The following CACNA1I variants were observed in gnomAD, a reference collection of about 807,000 sequenced individuals.
CACNA1I encodes the protein voltage-dependent T-type calcium channel subunit alpha-1I.
Under a neutral mutation model 201.6 loss-of-function variants are expected in CACNA1I, and 74 were observed. The ratio of observed to expected loss-of-function variants is 0.37; its 90% CI spans 0.30 to 0.45. CACNA1I has a LOEUF of 0.45. Ranked by LOEUF, CACNA1I falls within the 20% of genes least tolerant of loss-of-function variation. CACNA1I has a pLI of 1.00. For missense variants in CACNA1I, 2,346 were observed against 3,138.1 expected, an observed-to-expected ratio of 0.75 and a Z score of 6.03; for synonymous variants, 1,431 against 1,345.2, an observed-to-expected ratio of 1.06 and a Z score of -1.40.
intron 4 of CACNA1I, among the ~76,000 whole-genome samples, chr22:39,624,167 G>GGT (rs370693569): frequency 4.6e-5 from 7 of 151,756 alleles, no homozygotes; most frequent in East Asian, 1.9e-4. Context: ...TGCCTGTGAG[G>GGT]GTGTGTGTGT....
intron 29 of CACNA1I, 80 bp downstream of exon 29, chr22:39,674,113 C>T: frequency 6.7e-6 from 9 of 1,338,208 alleles, no homozygotes; most frequent in South Asian, 2.4e-5. Flanking sequence ...GCCCTGATTT[C>T]CCTTCTCCTC....
chr22:39,686,038 C>T lies in CACNA1I; in HGVS notation c.6305C>T (p.Ser2102Phe). ...AGCCCGGGCTGCACCCACCACGACT[C>T]CATGGACCCCTCGGACGAGGAGGGC... ...STSPGCTHHD[S>F]MDPSDEEGRG... The change falls in exon 37 of 37, where the codon TCC becomes TTC. Residue 2102 changes from serine to phenylalanine, a missense_variant. Physicochemically the swap from Ser to Phe is radical, Grantham distance 155. Transcript: ENST00000402142. The T allele has an allele frequency of 8.1e-7, 1 of 1,237,390 alleles. No individual in the cohort carries two copies. The highest frequency in any genetic ancestry group is 1.0e-6 in the Non-Finnish European group (1 of 994,480). 76.7% of individuals were successfully genotyped at this position (1,237,390 alleles called of 1,614,324 possible).
intron 34 of CACNA1I, 71 bp downstream of exon 34, chr22:39,681,123 G>A: frequency 5.9e-6 from 9 of 1,512,754 alleles, no homozygotes; most frequent in Non-Finnish European, 8.0e-6. Flanking sequence ...ACCCAGGCAG[G>A]ACCCCCCTGT....
intron 4 of CACNA1I, among the ~76,000 whole-genome samples, chr22:39,621,851 G>T (rs1933753741): frequency 6.6e-6 from 1 of 152,052 alleles, no homozygotes; most frequent in African/African-American, 2.4e-5. Flanking sequence ...ACAGGGAGGG[G>T]ACATGCGGAG....
At chr22:39,593,631 G>C (rs1932847746) in intron 1 of CACNA1I, among the ~76,000 whole-genome samples, 1 of 152,188 alleles carries the variant, frequency 6.6e-6, no homozygotes, top group Non-Finnish European at 1.5e-5. Context: ...TGCGTACCAG[G>C]CTTGGGAGGG....
chr22:39,662,241 G>C lies in CACNA1I; in HGVS notation c.3178G>C (p.Asp1060His). The change falls in exon 17 of 37, where the codon GAC becomes CAC. Residue 1060 changes from aspartate (D) to histidine (H), a missense_variant. By Grantham distance (81) the Asp-to-His change is moderately conservative (BLOSUM62 -1). This residue lies in a region of CACNA1I where 288 missense variants were observed against 255.2 expected (regional missense o/e 1.13). Coordinates refer to ENST00000402142, the MANE Select transcript of CACNA1I (RefSeq NM_021096.4). ...HRHHRRTLSL[D>H]NRDSVDLAEL... ...CCACCACCGCCGGACGCTGTCCCTC[G>C]ACAACAGGGACTCGGTGGACCTGGC... 1 of 1,528,324 alleles carries C rather than the reference G, an allele frequency of 6.5e-7. No individual in the cohort carries two copies. Among genetic ancestry groups the C allele is most frequent in the Non-Finnish European group, 8.8e-7 (1 of 1,142,166 alleles). The allele number at this position is 1,528,324 out of a possible 1,614,324, so 94.7% of individuals were successfully genotyped here. A position where few individuals can be genotyped will look rare whatever the true frequency, so the allele number is the denominator to read the frequency against.
At chr22:39,647,731 C>T in intron 8 of CACNA1I, 91 bp from the exon 9 acceptor site, 1 of 923,616 alleles carries the variant, frequency 1.1e-6, no homozygotes. Flanking sequence ...TGCTTTTAGG[C>T]TTGGAAGGGG....
Position 39,661,002 on chromosome 22 carries a change from T to A in CACNA1I, c.2699-106T>A. The A allele has an allele frequency of 3.3e-6, 3 of 916,992 alleles. No homozygotes were observed. In the South Asian group the frequency reaches 4.3e-5, roughly 13 times the overall value. 56.8% of individuals were successfully genotyped at this position (916,992 alleles called of 1,614,324 possible). ...GTAGAGGAAGCCTCCTTAGAAAAGC[T>A]CTCCATTTCTGCTCCTTCCTTGTTT... On this transcript the variant is annotated intron_variant, in intron 15 of 36. Coordinates refer to ENST00000402142, the MANE Select transcript of CACNA1I (RefSeq NM_021096.4).
At chr22:39,604,235 T>G (rs1933145643) in intron 3 of CACNA1I, among the ~76,000 whole-genome samples, 1 of 152,236 alleles carries the variant, frequency 6.6e-6, no homozygotes, top group Admixed American at 6.5e-5. Context: ...TTCTTTCCTG[T>G]CTGCTCATAT....
chr22:39,617,642 T>C (rs369781294), intron 3 of CACNA1I, among the ~76,000 whole-genome samples: 1 of 152,150 alleles, frequency 6.6e-6, no homozygotes, highest in South Asian at 2.1e-4. Context: ...GAGCTCTTTC[T>C]ACAAAATGTG....
At position 39,665,442 on chromosome 22, in the gene CACNA1I, G is replaced by A. The variant is rs1935156526; in HGVS notation, c.3852-56G>A. The A allele has an allele frequency of 4.4e-6, 7 of 1,601,732 alleles. No homozygotes were observed. In the South Asian group the frequency reaches 6.7e-5, roughly 15 times the overall value. ...CCTGGTGACTCTGGGCTGAGTAGGG[G>A]CTGCCTCCTGGCCTGGCCAAGGGAT... On this transcript the variant is annotated intron_variant, in intron 21 of 36. Transcript: ENST00000402142. This position sits in a 1 kb window ranked among gnomAD's most constrained non-coding sequence, Gnocchi z 5.5.
In CACNA1I at chr22:39,685,729, A is replaced by G; in HGVS notation, c.6028-32A>G. 7.0e-7 allele frequency: 1 copy of G among 1,421,816 alleles called. No individual in the cohort carries two copies. Among genetic ancestry groups the G allele is most frequent in the Non-Finnish European group, 9.1e-7 (1 of 1,096,352 alleles). The allele number at this position is 1,421,816 out of a possible 1,614,324, so 88.1% of individuals were successfully genotyped here. A position where few individuals can be genotyped will look rare whatever the true frequency, so the allele number is the denominator to read the frequency against. On this transcript the variant is annotated intron_variant, in intron 36 of 36. Transcript: ENST00000402142. This position sits in a 1 kb window ranked among gnomAD's most constrained non-coding sequence, Gnocchi z 5.0. ...AGGTTGCTGGGGTGGGGGCCGACAC[A>G]GGCGGCCTCCACGGCTCCCACCTCC...
chr22:39,637,332 G>A (rs569303767), intron 5 of CACNA1I, among the ~76,000 whole-genome samples: 143 of 152,326 alleles, frequency 9.4e-4, no homozygotes, highest in Non-Finnish European at 1.6e-3. Flanking sequence ...CTCAGAGGAT[G>A]TGAACTTGAG....
chr22:39,653,838 G>C (rs138852593), intron 10 of CACNA1I, among the ~76,000 whole-genome samples: 2,092 of 152,334 alleles, frequency 0.014, 48 homozygotes, highest in African/African-American at 0.047. Flanking sequence ...AGCAGATGCT[G>C]TTTCTTGCAG....
chr22:39,677,477 T>C lies in CACNA1I; in HGVS notation c.4933+58T>C. ...GGTGCAGCAGGGCTGCAGGAGGAAC[T>C]GGGGGGGCGGGGGAGGCCTGAGACC... On this transcript the variant is annotated intron_variant, in intron 30 of 36. Transcript: ENST00000402142. This position sits in a 1 kb window ranked among gnomAD's most constrained non-coding sequence, Gnocchi z 4.8. The C allele has an allele frequency of 2.2e-6, 2 of 921,254 alleles. No individual in the cohort carries two copies. Among genetic ancestry groups the C allele is most frequent in the South Asian group, 1.6e-5 (1 of 61,242 alleles). 57.1% of individuals were successfully genotyped at this position (921,254 alleles called of 1,614,324 possible).
chr22:39,588,269 A>G (rs1000617240), intron 1 of CACNA1I, among the ~76,000 whole-genome samples: 2 of 151,038 alleles, frequency 1.3e-5, no homozygotes, highest in African/African-American at 4.9e-5. Context: ...AGTAACTGGG[A>G]CCACAGGTAC....
intron 1 of CACNA1I, among the ~76,000 whole-genome samples, chr22:39,591,989 G>A (rs954730308): frequency 6.6e-5 from 10 of 152,232 alleles, no homozygotes; most frequent in Non-Finnish European, 1.5e-4. Context: ...CACAATATAA[G>A]CACATTCATT....
chr22:39,684,275 C>T lies in CACNA1I; in HGVS notation c.5831-27C>T. 1 of 1,608,776 alleles carries T rather than the reference C, an allele frequency of 6.2e-7. No homozygotes were observed. The highest frequency in any genetic ancestry group is 8.5e-7 in the Non-Finnish European group (1 of 1,176,688). ...GCCCCCTGGCCTGAGCGTGCTCCCT[C>T]AGCTCTGTCTTCTCCTTTCCCAGCA... On this transcript the variant is annotated intron_variant, in intron 35 of 36. Coordinates refer to ENST00000402142, the MANE Select transcript of CACNA1I (RefSeq NM_021096.4). This position sits in a 1 kb window ranked among gnomAD's most constrained non-coding sequence, Gnocchi z 4.6.
At chr22:39,646,905 G>T in intron 8 of CACNA1I, 24 bp downstream of exon 8, 1 of 1,460,346 alleles carries the variant, frequency 6.8e-7, no homozygotes, top group Non-Finnish European at 9.0e-7. Context: ...CATCCGACGC[G>T]GCACTCAGGC....
Sources: gnomAD v4.1 joint callset for allele counts (sites outside exome capture counted in the v4.1 genomes callset) on GRCh38, gnomAD v4.1.1 for gene constraint, gnomAD v4.1.1 regional missense constraint, Gnocchi (gnomAD v3.1) non-coding constraint, MANE v1.5 for transcripts, NCBI Gene and HGNC (gene_info 2026-07-23, HGNC 2026-07-21) for gene names.